GALNT13: variants seen among roughly 807,000 people sequenced by gnomAD.
GALNT13 encodes the protein polypeptide N-acetylgalactosaminyltransferase 13.
GALNT13 carries 28 observed loss-of-function variants against 64.2 expected under a neutral mutation model. The ratio of observed to expected loss-of-function variants is 0.44; its 90% confidence interval spans 0.32 to 0.60. The LOEUF is 0.60. GALNT13 is among the 20% of genes least tolerant of loss of function. The pLI is 0.05. For missense variants in GALNT13, 577 were observed against 669.8 expected (o/e 0.86, Z 1.53); for synonymous variants, 214 against 224.6 (o/e 0.95, Z 0.42).
At chr2:153,399,919 C>T in the GALNT13 span, among the ~76,000 whole-genome samples, 1 of 150,748 alleles carries the variant, frequency 6.6e-6, no homozygotes, top group Non-Finnish European at 1.5e-5. Flanking sequence ...CCTTTATTTC[C>T]TTCTGCTGCC....
intron 9 of GALNT13, among the ~76,000 whole-genome samples, chr2:154,314,994 A>G (rs1694248283): frequency 1.3e-5 from 2 of 152,116 alleles, no homozygotes; most frequent in African/African-American, 4.8e-5. Context: ...AGCTACATAT[A>G]CTCTTAGGAA....
the GALNT13 span, among the ~76,000 whole-genome samples, chr2:153,841,791 G>A: frequency 7.2e-5 from 11 of 152,068 alleles, no homozygotes; most frequent in African/African-American, 2.7e-4. Context: ...TTATTATAAG[G>A]TCCTTCTTTA....
At chr2:153,490,194 T>C in the GALNT13 span, among the ~76,000 whole-genome samples, 1 of 152,214 alleles carries the variant, frequency 6.6e-6, no homozygotes, top group Non-Finnish European at 1.5e-5. Flanking sequence ...CTTTGGATAA[T>C]ATTCTAATGG....
At chr2:153,207,574 C>T in the GALNT13 span, among the ~76,000 whole-genome samples, 3 of 152,018 alleles carry the variant, frequency 2.0e-5, no homozygotes, top group African/African-American at 4.8e-5. Flanking sequence ...CTTTCATCTA[C>T]CTTTGAATTA....
chr2:153,613,365 C>T, the GALNT13 span, among the ~76,000 whole-genome samples: 1 of 152,072 alleles, frequency 6.6e-6, no homozygotes, highest in Non-Finnish European at 1.5e-5. Flanking sequence ...TTACTCCTTG[C>T]TACCTATTTT....
At chr2:153,616,247 G>T in the GALNT13 span, among the ~76,000 whole-genome samples, 1 of 151,754 alleles carries the variant, frequency 6.6e-6, no homozygotes, top group Non-Finnish European at 1.5e-5. Flanking sequence ...CTGTAGGGGT[G>T]TGAATTTGTT....
chr2:153,433,573 T>C, the GALNT13 span, among the ~76,000 whole-genome samples: 2 of 152,284 alleles, frequency 1.3e-5, no homozygotes, highest in Non-Finnish European at 2.9e-5. Flanking sequence ...TTTCAGACTT[T>C]AATAATACAT....
At chr2:153,129,197 T>C in the GALNT13 span, among the ~76,000 whole-genome samples, 2 of 152,174 alleles carry the variant, frequency 1.3e-5, no homozygotes, top group Non-Finnish European at 2.9e-5. Flanking sequence ...GTTCTACTTA[T>C]ATGTATGTAT....
chr2:153,122,195 T>C, the GALNT13 span, among the ~76,000 whole-genome samples: 2 of 152,084 alleles, frequency 1.3e-5, no homozygotes, highest in Admixed American at 6.5e-5. Context: ...GTATAAACTT[T>C]ACCTATTGTT....
intron 9 of GALNT13, among the ~76,000 whole-genome samples, chr2:154,323,097 T>C (rs1366933324): frequency 6.6e-6 from 1 of 151,576 alleles, no homozygotes; most frequent in Non-Finnish European, 1.5e-5. Context: ...CTAAAATGAC[T>C]CAGATTCAAG....
chr2:153,710,087 T>G, the GALNT13 span, among the ~76,000 whole-genome samples: 1 of 152,064 alleles, frequency 6.6e-6, no homozygotes, highest in African/African-American at 2.4e-5. Flanking sequence ...TATTTAATAA[T>G]AGTGTATTAT....
At chr2:153,358,873 A>G in the GALNT13 span, among the ~76,000 whole-genome samples, 1 of 152,100 alleles carries the variant, frequency 6.6e-6, no homozygotes, top group Non-Finnish European at 1.5e-5. Flanking sequence ...ACTATCTTGT[A>G]GCTGGTAGGA....
chr2:154,162,035 C>T (rs1684761195), intron 4 of GALNT13, among the ~76,000 whole-genome samples: 2 of 152,180 alleles, frequency 1.3e-5, no homozygotes, highest in African/African-American at 4.8e-5. Flanking sequence ...CCCGTCTCGG[C>T]CTCCCAAAGT....
intron 9 of GALNT13, among the ~76,000 whole-genome samples, chr2:154,329,547 G>T (rs1005835868): frequency 6.6e-6 from 1 of 152,062 alleles, no homozygotes; most frequent in East Asian, 1.9e-4. Context: ...ACACATTTTG[G>T]AAACAGAAGA....
chr2:154,411,360 A>ACACACACACAC (rs1699786656), intron 11 of GALNT13, among the ~76,000 whole-genome samples: 1 of 150,224 alleles, frequency 6.7e-6, no homozygotes, highest in African/African-American at 2.4e-5. Flanking sequence ...ACACACACAC[A>ACACACACACAC]AATGTTTTTG....
At chr2:153,942,610 G>A (rs1691412547) in intron 2 of GALNT13, among the ~76,000 whole-genome samples, 1 of 151,882 alleles carries the variant, frequency 6.6e-6, no homozygotes. Flanking sequence ...ATGAAACAAA[G>A]TAGATAATAA....
the GALNT13 span, among the ~76,000 whole-genome samples, chr2:153,233,775 C>T: frequency 6.6e-6 from 1 of 152,170 alleles, no homozygotes. Context: ...AATGAATCAT[C>T]ACCTGACATT....
At chr2:153,225,593 CT>C in the GALNT13 span, among the ~76,000 whole-genome samples, 3 of 152,080 alleles carry the variant, frequency 2.0e-5, no homozygotes, top group African/African-American at 7.2e-5. Context: ...TCCAAAACAT[CT>C]GTTAAAAACC....
At chr2:154,116,002 G>A (rs1340986847) in intron 3 of GALNT13, among the ~76,000 whole-genome samples, 1 of 152,152 alleles carries the variant, frequency 6.6e-6, no homozygotes, top group Non-Finnish European at 1.5e-5. Context: ...TAGGTCTAGA[G>A]GCAAACAGGT....
Sources: allele counts gnomAD v4.1 joint callset (sites outside exome capture counted in the v4.1 genomes callset), GRCh38; gene constraint gnomAD v4.1.1; transcripts MANE v1.5; gene names NCBI Gene and HGNC (gene_info 2026-07-23, HGNC 2026-07-21).